The following LRRC4C variants were observed in gnomAD, a reference collection of about 807,000 sequenced individuals.
LRRC4C encodes leucine-rich repeat-containing protein 4C.
In LRRC4C, 5 loss-of-function variants were observed where a neutral mutation model predicts 33.6. The observed-to-expected ratio is 0.15, with a 90% CI of 0.08 to 0.31. The LOEUF is 0.31. LRRC4C is among the 10% of genes least tolerant of loss of function. The probability of loss-of-function intolerance (pLI) is 1.00; values close to 1 mark genes in which losing one functional copy is unlikely to be tolerated. For synonymous variants in LRRC4C, 329 were observed against 302.0 expected (o/e 1.09, Z -0.93); for missense variants, 560 against 796.7 (o/e 0.70, Z 3.58).
At chr11:40,786,275 G>T (rs980576577) in intron 2 of LRRC4C, among the ~76,000 whole-genome samples, 5 of 152,098 alleles carry the variant, frequency 3.3e-5, no homozygotes, top group Non-Finnish European at 7.4e-5. Flanking sequence ...TTTCAGTTTG[G>T]CCTTGCAACT....
intron 1 of LRRC4C, among the ~76,000 whole-genome samples, chr11:41,220,109 T>C (rs1460771090): frequency 6.6e-6 from 1 of 152,138 alleles, no homozygotes; most frequent in Non-Finnish European, 1.5e-5. Flanking sequence ...CTTGTATAAA[T>C]TGCCTGAGGA....
chr11:41,451,184 C>T (rs1408587958), intron 1 of LRRC4C, among the ~76,000 whole-genome samples: 2 of 152,078 alleles, frequency 1.3e-5, no homozygotes, highest in Non-Finnish European at 2.9e-5. Flanking sequence ...ATCGAAATGA[C>T]TACAGAAGCA....
intron 5 of LRRC4C, among the ~76,000 whole-genome samples, chr11:40,185,893 C>T (rs1212731653): frequency 2.0e-5 from 3 of 152,200 alleles, no homozygotes; most frequent in Non-Finnish European, 2.9e-5. Flanking sequence ...TCCCCCTTCC[C>T]GTGGTTGCTC....
intron 3 of LRRC4C, among the ~76,000 whole-genome samples, chr11:40,409,525 A>G (rs534078610): frequency 6.6e-6 from 1 of 152,198 alleles, no homozygotes; most frequent in East Asian, 1.9e-4. Context: ...AATATAAAAA[A>G]ACTAAAATGA....
intron 1 of LRRC4C, among the ~76,000 whole-genome samples, chr11:41,039,151 G>A (rs1185609261): frequency 6.6e-6 from 1 of 152,082 alleles, no homozygotes; most frequent in Non-Finnish European, 1.5e-5. Flanking sequence ...GCATATGGCT[G>A]GGCAGTTATG....
chr11:40,947,867 G>C (rs1958478859), intron 1 of LRRC4C, among the ~76,000 whole-genome samples: 1 of 152,168 alleles, frequency 6.6e-6, no homozygotes, highest in African/African-American at 2.4e-5. Flanking sequence ...AGCTGGGACA[G>C]TGGTAGGGTC....
At chr11:40,472,154 C>A (rs1380105980) in intron 3 of LRRC4C, among the ~76,000 whole-genome samples, 1 of 151,918 alleles carries the variant, frequency 6.6e-6, no homozygotes, top group Non-Finnish European at 1.5e-5. Flanking sequence ...GTTGCGCATG[C>A]CTGTAGTCCC....
At chr11:40,168,756 G>T (rs1301870856) in intron 5 of LRRC4C, among the ~76,000 whole-genome samples, 1 of 152,156 alleles carries the variant, frequency 6.6e-6, no homozygotes, top group Non-Finnish European at 1.5e-5. Flanking sequence ...GGCTGGCAGA[G>T]GAAAGTAACA....
At chr11:40,718,854 A>G (rs1402095515) in intron 2 of LRRC4C, among the ~76,000 whole-genome samples, 3 of 152,158 alleles carry the variant, frequency 2.0e-5, no homozygotes, top group Admixed American at 6.5e-5. Context: ...CTGGAGACAG[A>G]TAAAGAATAT....
At chr11:40,398,897 G>A (rs932509861) in intron 3 of LRRC4C, among the ~76,000 whole-genome samples, 1 of 152,030 alleles carries the variant, frequency 6.6e-6, no homozygotes, top group Non-Finnish European at 1.5e-5. Context: ...TTTCATTGAC[G>A]TACCTAATTT....
At chr11:40,830,608 G>A (rs1952370889) in intron 2 of LRRC4C, among the ~76,000 whole-genome samples, 1 of 152,014 alleles carries the variant, frequency 6.6e-6, no homozygotes, top group Non-Finnish European at 1.5e-5. Flanking sequence ...TAAAATAAAG[G>A]AGAGGCATGT....
At chr11:41,041,984 G>A (rs1422529336) in intron 1 of LRRC4C, among the ~76,000 whole-genome samples, 1 of 152,086 alleles carries the variant, frequency 6.6e-6, no homozygotes, top group Admixed American at 6.5e-5. Context: ...ATCAAAATAT[G>A]ATGACAAGAA....
chr11:41,197,219 C>A (rs922107099), intron 1 of LRRC4C, among the ~76,000 whole-genome samples: 5 of 152,024 alleles, frequency 3.3e-5, no homozygotes, highest in Non-Finnish European at 4.4e-5. Context: ...CACAAGCATT[C>A]TTCACGGATA....
intron 2 of LRRC4C, among the ~76,000 whole-genome samples, chr11:40,677,355 C>T (rs1944456679): frequency 6.6e-6 from 1 of 152,136 alleles, no homozygotes; most frequent in South Asian, 2.1e-4. Flanking sequence ...CACAGCACTC[C>T]AGCCTGGGTG....
intron 6 of LRRC4C, among the ~76,000 whole-genome samples, chr11:40,121,235 G>A (rs1171525358): frequency 2.0e-5 from 3 of 151,888 alleles, no homozygotes; most frequent in Admixed American, 6.6e-5. Flanking sequence ...CTTACTCTCC[G>A]GGCTGAGTTT....
intron 1 of LRRC4C, among the ~76,000 whole-genome samples, chr11:41,069,755 G>C: frequency 6.6e-6 from 1 of 151,990 alleles, no homozygotes; most frequent in Non-Finnish European, 1.5e-5. Flanking sequence ...CACTGCTCAA[G>C]GAAATAAGAG....
At chr11:41,110,735 G>A (rs1941781574) in intron 1 of LRRC4C, among the ~76,000 whole-genome samples, 1 of 152,014 alleles carries the variant, frequency 6.6e-6, no homozygotes, top group Non-Finnish European at 1.5e-5. Flanking sequence ...TCAGTCACGT[G>A]ATATTAATAC....
Position 40,429,516 on chromosome 11 carries a change from C to T in LRRC4C, c.-269-109795G>A, listed in dbSNP as rs377754689. On this transcript the variant is annotated intron_variant, in intron 3 of 6. Transcript: ENST00000528697. The stretch of plus-strand genomic sequence containing the variant: ...AACTCCTAGACTAGTGTTCATTGAC[C>T]TAAGGATTCATCATGGATCTCCAAA... Among the ~76,000 whole-genome samples the T allele has an allele frequency of 1.3e-4, 19 of 151,382 alleles. 1 individual carries two copies. The highest frequency in any genetic ancestry group is 8.5e-4 in the Admixed American group (13 of 15,226).
chr11:41,191,591 A>T (rs1414286463), intron 1 of LRRC4C, among the ~76,000 whole-genome samples: 1 of 152,112 alleles, frequency 6.6e-6, no homozygotes, highest in Non-Finnish European at 1.5e-5. Context: ...GGTCATGCTA[A>T]GCAGAAGGTA....
Sources: gnomAD v4.1 joint callset for allele counts (sites outside exome capture counted in the v4.1 genomes callset) on GRCh38, gnomAD v4.1.1 for gene constraint, MANE v1.5 for transcripts, NCBI Gene and HGNC (gene_info 2026-07-23, HGNC 2026-07-21) for gene names.